The following LAMA1 variants were observed in gnomAD, a reference collection of about 807,000 sequenced individuals.
The protein encoded by LAMA1 is laminin subunit alpha 1, also known as laminin subunit alpha-1.
A neutral mutation model predicts 348.7 loss-of-function variants in LAMA1; 219 were observed. That is an observed-to-expected ratio of 0.63 (90% CI 0.56 to 0.70). The LOEUF is 0.70. Ranked by LOEUF, LAMA1 falls within the 30% of genes least tolerant of loss-of-function variation. The pLI, the probability that LAMA1 is intolerant of heterozygous loss-of-function variation, is 0.00. For synonymous variants in LAMA1, 1,487 were observed against 1,491.0 expected (o/e 1.00, Z 0.06); for missense variants, 3,744 against 3,888.0 (o/e 0.96, Z 0.99).
intron 1 of LAMA1, among the ~76,000 whole-genome samples, chr18:7,085,886 T>G (rs527862897): frequency 2.6e-5 from 4 of 152,314 alleles, no homozygotes; most frequent in African/African-American, 9.6e-5. Context: ...AATAGCATGA[T>G]TTAGTGAAAA....
chr18:6,958,472 C>T lies in LAMA1; in HGVS notation c.7964+5G>A. The T allele has an allele frequency of 6.2e-7, 1 of 1,614,174 alleles. No individual in the cohort carries two copies. Among genetic ancestry groups the T allele is most frequent in the Non-Finnish European group, 8.5e-7 (1 of 1,180,004 alleles). ...CAAGAACATGCAGAGAGCAGGTACA[C>T]TTACTCCAAATTGAAGATCAGGTTT... On this transcript the variant is annotated splice_donor_5th_base_variant and intron_variant, in intron 55 of 62. Coordinates refer to ENST00000389658, the MANE Select transcript of LAMA1 (RefSeq NM_005559.4).
chr18:7,007,270 C>T lies in LAMA1; in HGVS notation c.4129G>A (p.Ala1377Thr), dbSNP rs149298173. Reference sequence around the variant, plus strand: ...AGCTTCCCTCTGTGGTACCCAGGGGCGCAGTCCTGAGGGGGTGCAAAAGGG... The same window carrying T: ...AGCTTCCCTCTGTGGTACCCAGGGGTGCAGTCCTGAGGGGGTGCAAAAGGG... ...GTVGFSCQDC[A>T]PGYHRGKLPA... The change falls in exon 29 of 63, where the codon GCC becomes ACC. Residue 1377 changes from alanine to threonine, a missense_variant. Coordinates refer to ENST00000389658, the MANE Select transcript of LAMA1 (RefSeq NM_005559.4). 41 of 1,613,756 alleles carry T rather than the reference C, an allele frequency of 2.5e-5. No individual in the cohort carries two copies. The highest frequency in any genetic ancestry group is 1.0e-4 in the Admixed American group (6 of 59,970).
At chr18:6,964,571 G>T in intron 51 of LAMA1, 91 bp downstream of exon 51, 1 of 1,483,502 alleles carries the variant, frequency 6.7e-7, no homozygotes. Flanking sequence ...TGTTGTTTAA[G>T]CCACCTGGTT....
chr18:7,007,912 CTT>C (rs754974556), intron 28 of LAMA1, among the ~76,000 whole-genome samples: 10,829 of 107,122 alleles, frequency 0.1, 478 homozygotes, highest in Non-Finnish European at 0.13. Flanking sequence ...TATTACTCCA[CTT>C]TTATTTATTT....
chr18:7,047,979 T>C (rs758092264), intron 5 of LAMA1, among the ~76,000 whole-genome samples: 33 of 152,142 alleles, frequency 2.2e-4, no homozygotes, highest in Non-Finnish European at 4.1e-4. Flanking sequence ...AAGCTAATAT[T>C]TTTTGAGGTC....
intron 16 of LAMA1, among the ~76,000 whole-genome samples, 159 bp downstream of exon 16, chr18:7,031,907 A>T (rs2057971237): frequency 6.8e-6 from 1 of 148,052 alleles, no homozygotes; most frequent in Non-Finnish European, 1.5e-5. Context: ...AAAAACGGGA[A>T]ACATTTCATG....
intron 30 of LAMA1, among the ~76,000 whole-genome samples, chr18:7,001,739 TC>T (rs1422496419): frequency 6.6e-6 from 1 of 152,216 alleles, no homozygotes; most frequent in Non-Finnish European, 1.5e-5. Context: ...ATATTCTAAT[TC>T]CCACTTAAAA....
chr18:6,959,771 A>G (rs1235928508), intron 53 of LAMA1: 5 of 392,312 alleles, frequency 1.3e-5, no homozygotes, highest in Admixed American at 1.1e-4. Flanking sequence ...TTAGATACCA[A>G]TAAGTAGATA....
Position 7,032,135 on chromosome 18 carries a change from A to C in LAMA1, c.2205T>G (p.Phe735Leu), listed in dbSNP as rs2057972673. 6.2e-7 allele frequency: 1 copy of C among 1,614,096 alleles called. No homozygotes were observed. Among genetic ancestry groups the C allele is most frequent in the African/African-American group, 1.3e-5 (1 of 74,940 alleles). The change falls in exon 16 of 63, where the codon TTT (phenylalanine) becomes TTG (leucine). Residue 735 changes from phenylalanine (F) to leucine (L), a missense_variant. This residue lies in a region of LAMA1 where 1,529 missense variants were observed against 1,689.4 expected (regional missense o/e 0.91). Transcript: ENST00000389658. ...ATTCACAGGGTTGACAAATTCCTCC[A>C]AAGAGTATTCCATCCACGCGGTAAT... Reference protein sequence around the residue: ...SGYYRVDGILFGGICQPCECH... With the variant: ...SGYYRVDGILLGGICQPCECH...
At position 6,949,140 on chromosome 18, in the gene LAMA1, T is replaced by A; in HGVS notation, c.8517A>T (p.Gly2839=). ...TGGCCTGGTACTGGGAGGGCAGGCC[T>A]CCTAGGTAGAACAAACCCTCCACAT... is the stretch of plus-strand genomic sequence containing the variant. ...MLDVEGLFYL[G]GLPSQYQARK... The change falls in exon 59 of 63, where the codon GGA becomes GGT. Residue 2839 remains glycine (G), a synonymous_variant. Coordinates refer to ENST00000389658, the MANE Select transcript of LAMA1 (RefSeq NM_005559.4). 1.2e-6 allele frequency: 2 copies of A among 1,614,152 alleles called. No homozygotes were observed. Among genetic ancestry groups the A allele is most frequent in the Non-Finnish European group, 1.7e-6 (2 of 1,180,026 alleles).
intron 1 of LAMA1, among the ~76,000 whole-genome samples, chr18:7,096,784 CAA>C (rs1568066563): frequency 6.6e-6 from 1 of 152,114 alleles, no homozygotes; most frequent in Admixed American, 6.6e-5. Flanking sequence ...TGTAAGTGAA[CAA>C]AGTTTTCAAA....
At position 7,012,147 on chromosome 18, in the gene LAMA1, G is replaced by A; in HGVS notation, c.3364-9C>T. 2 of 1,613,748 alleles carry A rather than the reference G, an allele frequency of 1.2e-6. No individual in the cohort carries two copies. The highest frequency in any genetic ancestry group is 1.1e-5 in the South Asian group (1 of 90,990). On this transcript the variant is annotated splice_polypyrimidine_tract_variant and intron_variant, in intron 23 of 62. Transcript: ENST00000389658. ...GGACCAAAGACATTTTCCTACAGGG[G>A]AGCAAATAAAGGACTCGTTTTTGCC...
chr18:7,066,057 C>T (rs1352757824), intron 3 of LAMA1, among the ~76,000 whole-genome samples: 1 of 152,166 alleles, frequency 6.6e-6, no homozygotes, highest in Non-Finnish European at 1.5e-5. Context: ...CCAATGCTTT[C>T]AGAGTCAGAA....
chr18:7,025,796 A>G (rs1598286092), intron 17 of LAMA1, among the ~76,000 whole-genome samples, 183 bp downstream of exon 17: 1 of 152,224 alleles, frequency 6.6e-6, no homozygotes, highest in South Asian at 2.1e-4. Context: ...GCCTGCTTTC[A>G]TAAGCCAAAC....
chr18:7,021,824 A>G (rs2057917638), intron 19 of LAMA1, among the ~76,000 whole-genome samples: 1 of 109,140 alleles, frequency 9.2e-6, no homozygotes, highest in South Asian at 2.3e-4. Flanking sequence ...AATATATATT[A>G]TATAATATAA....
intron 25 of LAMA1, among the ~76,000 whole-genome samples, chr18:7,010,698 T>G (rs565533223): frequency 6.6e-6 from 1 of 152,212 alleles, no homozygotes; most frequent in Non-Finnish European, 1.5e-5. Flanking sequence ...GAGCACTGGG[T>G]GCATATTTGC....
intron 1 of LAMA1, among the ~76,000 whole-genome samples, chr18:7,085,565 C>T (rs889489805): frequency 2.6e-5 from 4 of 151,832 alleles, no homozygotes; most frequent in Admixed American, 1.3e-4. Context: ...ACTATAGGCA[C>T]CCGCCACCAA....
chr18:7,036,368 T>C (rs575216195), intron 12 of LAMA1, among the ~76,000 whole-genome samples: 75 of 152,352 alleles, frequency 4.9e-4, no homozygotes, highest in Non-Finnish European at 9.1e-4. Context: ...CTATAAACTT[T>C]TGTTAATCAC....
chr18:7,089,654 C>T (rs941424895), intron 1 of LAMA1, among the ~76,000 whole-genome samples: 3 of 152,314 alleles, frequency 2.0e-5, no homozygotes, highest in Admixed American at 6.5e-5. Flanking sequence ...GTTGCCTGAG[C>T]GAGGTTTTAT....
Sources: gnomAD v4.1 joint callset for allele counts (sites outside exome capture counted in the v4.1 genomes callset) on GRCh38, gnomAD v4.1.1 for gene constraint, gnomAD v4.1.1 regional missense constraint, MANE v1.5 for transcripts, NCBI Gene and HGNC (gene_info 2026-07-23, HGNC 2026-07-21) for gene names.